The following NAALADL2 variants were observed in gnomAD, a reference collection of about 807,000 sequenced individuals.
NAALADL2 encodes N-acetylated alpha-linked acidic dipeptidase like 2.
A neutral mutation model predicts 87.2 loss-of-function variants in NAALADL2; 76 were observed. That is an observed-to-expected ratio of 0.87 (90% CI 0.72 to 1.05). The LOEUF is 1.05. Ranked by LOEUF, NAALADL2 falls within the 50% of genes least tolerant of loss-of-function variation. The pLI is 0.00. For missense variants in NAALADL2, 1,089 were observed against 945.8 expected (o/e 1.15, Z -1.99); for synonymous variants, 354 against 331.0 (o/e 1.07, Z -0.75).
intron 1 of NAALADL2, among the ~76,000 whole-genome samples, chr3:174,922,510 T>TA (rs1430736923): frequency 1.3e-5 from 2 of 152,152 alleles, no homozygotes; most frequent in Non-Finnish European, 2.9e-5. Context: ...CACTATTACC[T>TA]AAACCACAGC....
chr3:174,875,281 G>A (rs1180418765), intron 1 of NAALADL2, among the ~76,000 whole-genome samples: 1 of 151,274 alleles, frequency 6.6e-6, no homozygotes, highest in Non-Finnish European at 1.5e-5. Context: ...AAATGTCATT[G>A]CATTATTTAT....
chr3:174,530,179 T>G (rs758113897), intron 1 of NAALADL2, among the ~76,000 whole-genome samples: 6 of 152,136 alleles, frequency 3.9e-5, no homozygotes, highest in Non-Finnish European at 8.8e-5. Context: ...TACCAGATAC[T>G]CTAAATTATC....
intron 5 of NAALADL2, among the ~76,000 whole-genome samples, chr3:175,370,462 TAAAA>T (rs544735816): frequency 8.1e-4 from 122 of 151,302 alleles, no homozygotes; most frequent in Middle Eastern, 6.8e-3. Flanking sequence ...CTGTAATGGT[TAAAA>T]AATGACTAGA....
intron 4 of NAALADL2, among the ~76,000 whole-genome samples, chr3:175,279,779 AGTGTGTGAGTGT>A (rs1416462474): frequency 1.6e-5 from 2 of 128,668 alleles, no homozygotes; most frequent in Non-Finnish European, 3.2e-5. Context: ...TCCTCTGCAT[AGTGTGTGAGTGT>A]GTGTGTGTGT....
intron 5 of NAALADL2, among the ~76,000 whole-genome samples, chr3:175,402,597 T>C (rs1711529917): frequency 6.6e-6 from 1 of 152,126 alleles, no homozygotes; most frequent in African/African-American, 2.4e-5. Flanking sequence ...TTTCCAGCTA[T>C]ACTATACTAA....
intron 1 of NAALADL2, among the ~76,000 whole-genome samples, chr3:174,486,864 C>G (rs1216057426): frequency 6.6e-6 from 1 of 151,878 alleles, no homozygotes. Flanking sequence ...CTGAGAAAAC[C>G]AGCACTCCAA....
chr3:174,816,143 C>T (rs573318899), intron 3 of NAALADL2, among the ~76,000 whole-genome samples: 129 of 152,004 alleles, frequency 8.5e-4, no homozygotes, highest in African/African-American at 2.8e-3. Flanking sequence ...TTGTATAGCA[C>T]GTATGTACCC....
At chr3:174,787,598 T>TATACAC (rs1553855297) in intron 3 of NAALADL2, among the ~76,000 whole-genome samples, 2 of 60,184 alleles carry the variant, frequency 3.3e-5, no homozygotes, top group African/African-American at 5.8e-5. Context: ...TATATATATA[T>TATACAC]ATATATATAT....
intron 5 of NAALADL2, among the ~76,000 whole-genome samples, chr3:175,427,670 C>T (rs1423743971): frequency 6.6e-6 from 1 of 152,096 alleles, no homozygotes; most frequent in Non-Finnish European, 1.5e-5. Flanking sequence ...AAATTTCATT[C>T]TCTTAAAAAT....
At chr3:175,778,332 G>T (rs1376174826) in intron 13 of NAALADL2, among the ~76,000 whole-genome samples, 3 of 152,170 alleles carry the variant, frequency 2.0e-5, no homozygotes, top group Non-Finnish European at 4.4e-5. Flanking sequence ...TTAGTTAATG[G>T]CGTGGTCAAA....
chr3:174,443,483 T>A (rs1714814560), intron 1 of NAALADL2, among the ~76,000 whole-genome samples: 1 of 152,178 alleles, frequency 6.6e-6, no homozygotes, highest in Non-Finnish European at 1.5e-5. Flanking sequence ...TAATTGGGAT[T>A]AAGAATCTGG....
chr3:175,466,351 G>T, intron 7 of NAALADL2, among the ~76,000 whole-genome samples: 1 of 152,150 alleles, frequency 6.6e-6, no homozygotes, highest in Non-Finnish European at 1.5e-5. Flanking sequence ...ACTTCCATGT[G>T]TTAGGAAGGC....
At chr3:174,818,073 T>C (rs1720994737) in intron 3 of NAALADL2, among the ~76,000 whole-genome samples, 1 of 152,192 alleles carries the variant, frequency 6.6e-6, no homozygotes, top group Non-Finnish European at 1.5e-5. Flanking sequence ...GTGTCTGTTG[T>C]TAGTACCGGG....
chr3:175,659,426 C>G (rs529551932), intron 11 of NAALADL2, among the ~76,000 whole-genome samples: 20 of 152,222 alleles, frequency 1.3e-4, no homozygotes, highest in Admixed American at 7.9e-4. Context: ...GCAGTATACT[C>G]TATAAAGTGT....
Position 175,412,890 on chromosome 3 carries a change from A to ATTT in NAALADL2, c.1091-34338_1091-34336dup, listed in dbSNP as rs1298212013. ...AGGAATCAGATTATTTATTTAATTT[A>ATTT]TTTATTATTATTATTATTATTATTA... On this transcript the variant is annotated intron_variant, in intron 5 of 13. Transcript: ENST00000454872. 1.5e-4 allele frequency among the ~76,000 whole-genome samples: 8 copies of ATTT among 53,930 alleles called. 1 individual carries two copies. Among genetic ancestry groups the ATTT allele is most frequent in the African/African-American group, 6.2e-4 (8 of 12,884 alleles). The allele number at this position is 53,930 out of a possible 152,430, so 35.4% of individuals were successfully genotyped here. A position where few individuals can be genotyped will look rare whatever the true frequency, so the allele number is the denominator to read the frequency against.
At chr3:174,787,597 A>ATACATATATATATATATATATATG (rs1716885210) in intron 3 of NAALADL2, among the ~76,000 whole-genome samples, 1 of 75,720 alleles carries the variant, frequency 1.3e-5, no homozygotes, top group African/African-American at 4.6e-5. Flanking sequence ...ATATATATAT[A>ATACATATATATATATATATATATG]TATATATATA....
intron 2 of NAALADL2, among the ~76,000 whole-genome samples, chr3:175,180,653 G>A (rs1259065493): frequency 6.7e-6 from 1 of 149,868 alleles, no homozygotes; most frequent in Non-Finnish European, 1.5e-5. Context: ...ATGAGAAAGA[G>A]GACTTACAAC....
chr3:175,430,092 A>T (rs1717502950), intron 5 of NAALADL2, among the ~76,000 whole-genome samples: 1 of 151,878 alleles, frequency 6.6e-6, no homozygotes, highest in Non-Finnish European at 1.5e-5. Context: ...ATAATTAAAA[A>T]TTAATAAAAT....
intron 13 of NAALADL2, among the ~76,000 whole-genome samples, chr3:175,797,895 C>T (rs1191739580): frequency 1.3e-5 from 2 of 151,914 alleles, no homozygotes; most frequent in African/African-American, 4.8e-5. Flanking sequence ...TCTGAGAGTA[C>T]TTAGGATTAA....
Sources: allele counts gnomAD v4.1 joint callset (sites outside exome capture counted in the v4.1 genomes callset), GRCh38; gene constraint gnomAD v4.1.1; transcripts MANE v1.5; gene names NCBI Gene and HGNC (gene_info 2026-07-23, HGNC 2026-07-21).